The following RINT1 variants were observed in gnomAD, a reference collection of about 807,000 sequenced individuals.
The protein encoded by RINT1 is RAD50 interactor 1, also known as RAD50-interacting protein 1.
A neutral mutation model predicts 97.7 loss-of-function variants in RINT1; 75 were observed. The ratio of observed to expected loss-of-function variants is 0.77; its 90% confidence interval spans 0.64 to 0.93. The LOEUF is 0.93. Ranked by LOEUF, RINT1 falls within the 40% of genes least tolerant of loss-of-function variation. The pLI is 0.00. For synonymous variants in RINT1, 303 were observed against 326.3 expected, an observed-to-expected ratio of 0.93 and a Z score of 0.77; for missense variants, 892 against 925.2, an observed-to-expected ratio of 0.96 and a Z score of 0.47.
At chr7:105,564,809 T>C (rs542047311) in intron 12 of RINT1, among the ~76,000 whole-genome samples, 3 of 152,258 alleles carry the variant, frequency 2.0e-5, no homozygotes, top group Admixed American at 2.0e-4. Flanking sequence ...GAAACTAGCC[T>C]GGCCAACATG....
chr7:105,549,208 A>G (rs1405230086), intron 7 of RINT1, among the ~76,000 whole-genome samples: 1 of 151,990 alleles, frequency 6.6e-6, no homozygotes, highest in Non-Finnish European at 1.5e-5. Flanking sequence ...GCTGGTCTGG[A>G]ACTCCTGACC....
In RINT1 at chr7:105,567,311, A is replaced by G; in HGVS notation, c.2379A>G (p.Ter793=). 6.3e-7 allele frequency: 1 copy of G among 1,577,694 alleles called. No individual in the cohort carries two copies. Among genetic ancestry groups the G allele is most frequent in the Non-Finnish European group, 8.6e-7 (1 of 1,161,160 alleles). Residue 793 remains the stop codon, a stop_retained_variant, in exon 15 of 15, where the codon TAA becomes TAG. Transcript: ENST00000257700. ...CAAATTGGCCTAATACTGGAAAATA[A>G]TGTCTTTCAGAAAAAGGTTTCTTTG... ...LRTNWPNTGK[*]
chr7:105,534,056 T>G (rs975471971), intron 2 of RINT1, among the ~76,000 whole-genome samples: 1 of 151,880 alleles, frequency 6.6e-6, no homozygotes, highest in African/African-American at 2.4e-5. Flanking sequence ...ATTTGAATGG[T>G]TACACATCAA....
At chr7:105,532,994 A>C in intron 2 of RINT1, 125 bp downstream of exon 2, 1 of 828,820 alleles carries the variant, frequency 1.2e-6, no homozygotes. Flanking sequence ...CAATATGCTT[A>C]TATGGTAATA....
rs757668486 is a variant in RINT1 at position 105,565,411 on chromosome 7, T to C, written c.2021T>C (p.Phe674Ser). Reference protein sequence around the residue: ...QQLCFSLFKIFWQMLVEKLDV... With the variant: ...QQLCFSLFKISWQMLVEKLDV... ...CTTTGTTTCTCCTTATTTAAAATTTTCTGGCAAATGCTTGTAGAGAAGCTG... is the reference window on the plus strand; with the variant it reads ...CTTTGTTTCTCCTTATTTAAAATTTCCTGGCAAATGCTTGTAGAGAAGCTG... The change falls in exon 13 of 15, where the codon TTC becomes TCC. Residue 674 changes from phenylalanine (F) to serine (S), a missense_variant. Transcript: ENST00000257700. The C allele has an allele frequency of 5.6e-6, 9 of 1,614,112 alleles. No individual in the cohort carries two copies. The highest frequency in any genetic ancestry group is 5.0e-5 in the Admixed American group (3 of 59,998).
At chr7:105,545,401 C>T (rs770091589) in intron 4 of RINT1, among the ~76,000 whole-genome samples, 48 of 149,684 alleles carry the variant, frequency 3.2e-4, no homozygotes, top group African/African-American at 9.6e-4. Context: ...TGCAATGAGC[C>T]GTGATTGTAC....
In RINT1 at chr7:105,536,739, T is replaced by C; in HGVS notation, c.263T>C (p.Leu88Ser). The change falls in exon 3 of 15, where the codon TTA (leucine) becomes TCA (serine). Residue 88 changes from leucine (L) to serine (S), a missense_variant. Coordinates refer to ENST00000257700, the MANE Select transcript of RINT1 (RefSeq NM_021930.6). ...IEQRTVSKMQ[L>S]EEQVLTISSE... Reference sequence around the variant, plus strand: ...CAGAGGACAGTAAGTAAAATGCAGTTAGAAGAACAGGTAAGTATTGAAACT... The same window carrying C: ...CAGAGGACAGTAAGTAAAATGCAGTCAGAAGAACAGGTAAGTATTGAAACT... 6.3e-7 allele frequency: 1 copy of C among 1,591,868 alleles called. No homozygotes were observed. The highest frequency in any genetic ancestry group is 1.8e-5 in the Admixed American group (1 of 56,112).
Position 105,550,473 on chromosome 7 carries a change from G to A in RINT1, c.1320G>A (p.Thr440=), listed in dbSNP as rs1060504809. The part of the protein sequence containing the change: ...SEETCFQRWL[T]VERKFALQKM... The stretch of plus-strand genomic sequence containing the variant: ...AAACCTGTTTTCAGAGATGGTTGAC[G>A]GTGGAGAGAAAATGTAAGTGCTGAT... Residue 440 remains threonine (T), a synonymous_variant, in exon 9 of 15, where the codon ACG becomes ACA. Transcript: ENST00000257700. The A allele has an allele frequency of 1.1e-5, 17 of 1,613,094 alleles. No individual in the cohort carries two copies. The South Asian group carries it at 1.3e-4, about 13-fold the overall frequency.
intron 3 of RINT1, among the ~76,000 whole-genome samples, chr7:105,540,618 G>C (rs748535272): frequency 6.6e-6 from 1 of 151,976 alleles, no homozygotes; most frequent in African/African-American, 2.4e-5. Flanking sequence ...GGCTGGTCTC[G>C]AACTCCTGAC....
At chr7:105,542,295 A>G in intron 3 of RINT1, 113 bp from the exon 4 acceptor site, 1 of 748,656 alleles carries the variant, frequency 1.3e-6, no homozygotes, top group Non-Finnish European at 2.2e-6. Flanking sequence ...TGATGGTACC[A>G]CTGCACTCCA....
At chr7:105,563,687 G>A (rs766403450) in intron 11 of RINT1, 46 bp from the exon 12 acceptor site, 175 of 1,477,274 alleles carry the variant, frequency 1.2e-4, no homozygotes, top group Non-Finnish European at 1.6e-4. Context: ...ATTTCAAACT[G>A]TTAAAAAAAA....
At chr7:105,533,234 C>T (rs754230895) in intron 2 of RINT1, among the ~76,000 whole-genome samples, 2 of 152,100 alleles carry the variant, frequency 1.3e-5, no homozygotes, top group South Asian at 2.1e-4. Context: ...GGACAGACGA[C>T]CACCACCCTA....
At chr7:105,545,530 A>ATTT (rs527695679) in intron 4 of RINT1, among the ~76,000 whole-genome samples, 34 of 140,146 alleles carry the variant, frequency 2.4e-4, no homozygotes, top group African/African-American at 8.7e-4. Flanking sequence ...ATATATATAT[A>ATTT]TTTTTTTTTT....
chr7:105,536,705 C>T lies in RINT1; in HGVS notation c.229C>T (p.Leu77Phe). 6.2e-7 allele frequency: 1 copy of T among 1,611,022 alleles called. No individual in the cohort carries two copies. The highest frequency in any genetic ancestry group is 8.5e-7 in the Non-Finnish European group (1 of 1,178,754). The part of the protein sequence containing the change: ...DLKSLKKLDK[L>F]IEQRTVSKMQ... ...TAAATCTTTAAAGAAACTTGATAAACTCATAGAACAGAGGACAGTAAGTAA... is the reference window on the plus strand; with the variant it reads ...TAAATCTTTAAAGAAACTTGATAAATTCATAGAACAGAGGACAGTAAGTAA... The change falls in exon 3 of 15, where the codon CTC becomes TTC. Residue 77 changes from leucine to phenylalanine, a missense_variant. Leu to Phe is a conservative substitution (Grantham distance 22). Transcript: ENST00000257700.
At chr7:105,562,737 A>G (rs1791492643) in intron 11 of RINT1, among the ~76,000 whole-genome samples, 1 of 151,898 alleles carries the variant, frequency 6.6e-6, no homozygotes, top group Non-Finnish European at 1.5e-5. Context: ...TCTCTACGAA[A>G]GTTACAAAAA....
chr7:105,542,905 A>G (rs1000800066), intron 4 of RINT1, among the ~76,000 whole-genome samples: 1 of 140,960 alleles, frequency 7.1e-6, no homozygotes, highest in African/African-American at 2.8e-5. Flanking sequence ...TTTTTTTTTG[A>G]GATGGAGTCT....
At position 105,550,392 on chromosome 7, in the gene RINT1, C is replaced by T. The variant is rs766676133; in HGVS notation, c.1239C>T (p.His413=). The T allele has an allele frequency of 2.1e-5, 34 of 1,613,976 alleles. No individual in the cohort carries two copies. Among genetic ancestry groups the T allele is most frequent in the East Asian group, 1.8e-4 (8 of 44,884 alleles). Residue 413 remains histidine (H), a synonymous_variant, in exon 9 of 15, where the codon CAC becomes CAT. Coordinates refer to ENST00000257700, the MANE Select transcript of RINT1 (RefSeq NM_021930.6). ...DEVLLFEREL[H]SVHGYPGTFA... Reference sequence around the variant, plus strand: ...TACTCTTGTTTGAAAGGGAGCTACACAGTGTTCATGGCTATCCTGGCACTT... The same window carrying T: ...TACTCTTGTTTGAAAGGGAGCTACATAGTGTTCATGGCTATCCTGGCACTT...
chr7:105,542,171 GA>G (rs1040559152), intron 3 of RINT1: 10,498 of 282,346 alleles, frequency 0.037, no homozygotes, highest in Middle Eastern at 0.058. Flanking sequence ...TCTATTTAAA[GA>G]AAAAAAAAAA....
chr7:105,533,354 G>C (rs538694367), intron 2 of RINT1, among the ~76,000 whole-genome samples: 2 of 152,280 alleles, frequency 1.3e-5, no homozygotes, highest in African/African-American at 4.8e-5. Flanking sequence ...CTGGATCTTG[G>C]ACTGGACAGG....
Sources: allele counts gnomAD v4.1 joint callset (sites outside exome capture counted in the v4.1 genomes callset), GRCh38; gene constraint gnomAD v4.1.1; transcripts MANE v1.5; gene names NCBI Gene and HGNC (gene_info 2026-07-23, HGNC 2026-07-21).